RPTOR: variants seen among roughly 807,000 people sequenced by gnomAD.
RPTOR encodes regulatory-associated protein of mTOR.
A neutral mutation model predicts 169.9 loss-of-function variants in RPTOR; 21 were observed. The ratio of observed to expected loss-of-function variants is 0.12; its 90% CI spans 0.09 to 0.18. The LOEUF (loss-of-function observed/expected upper bound fraction) is 0.18. RPTOR is among the 10% of genes least tolerant of loss of function. RPTOR has a pLI of 1.00. For missense variants in RPTOR, 1,133 were observed against 1,855.9 expected (o/e 0.61, Z 7.16); for synonymous variants, 732 against 753.2 (o/e 0.97, Z 0.46).
At chr17:80,722,755 C>A (rs1268734898) in intron 4 of RPTOR, among the ~76,000 whole-genome samples, 4 of 151,376 alleles carry the variant, frequency 2.6e-5, no homozygotes, top group Non-Finnish European at 5.9e-5. Context: ...CAGTGTCAAC[C>A]TCTTACATGA....
Position 80,874,353 on chromosome 17 carries a change from C to T in RPTOR, c.1510-6062C>T, listed in dbSNP as rs535860680. On this transcript the variant is annotated intron_variant, in intron 13 of 33. Transcript: ENST00000306801. ...CTGGGACCACAGGCGCGTGCCACCA[C>T]GCCCAGCTAATTTTTGTGTTTCTAG... is the stretch of plus-strand genomic sequence containing the variant. 3.1e-3 allele frequency among the ~76,000 whole-genome samples: 470 copies of T among 152,226 alleles called. 2 individuals carry two copies. Among genetic ancestry groups the T allele is most frequent in the African/African-American group, 0.011 (450 of 41,520 alleles).
chr17:80,623,929 G>A (rs369128211), intron 1 of RPTOR, among the ~76,000 whole-genome samples: 7 of 152,086 alleles, frequency 4.6e-5, no homozygotes, highest in African/African-American at 1.7e-4. Context: ...ATGGGGTCTT[G>A]CTGTGTTGCC....
At chr17:80,661,853 G>A (rs1170360097) in intron 3 of RPTOR, among the ~76,000 whole-genome samples, 1 of 152,074 alleles carries the variant, frequency 6.6e-6, no homozygotes, top group Non-Finnish European at 1.5e-5. Context: ...CGTGGCATTT[G>A]GACCCTGCAC....
intron 3 of RPTOR, among the ~76,000 whole-genome samples, chr17:80,671,156 A>G (rs368397203): frequency 6.6e-6 from 1 of 151,846 alleles, no homozygotes; most frequent in Admixed American, 6.6e-5. Context: ...TGGGCTCACC[A>G]TCTCTGCCGT....
At chr17:80,794,588 G>A (rs1363569642) in intron 7 of RPTOR, among the ~76,000 whole-genome samples, 1 of 152,166 alleles carries the variant, frequency 6.6e-6, no homozygotes, top group Non-Finnish European at 1.5e-5. Context: ...GGAAATCTTA[G>A]GATCACACAA....
rs377709745 is a variant in RPTOR, at chr17:80,739,509, G to C, written c.654+8803G>C. 7.9e-5 allele frequency among the ~76,000 whole-genome samples: 12 copies of C among 152,270 alleles called. No individual in the cohort carries two copies. The East Asian group carries it at 2.1e-3, about 27-fold the overall frequency. ...TGGGATTTACAGGATACTCCCTCCA[G>C]CAGCAGCCAATACACACACTTTTCC... On this transcript the variant is annotated intron_variant, in intron 5 of 33. Coordinates refer to ENST00000306801, the MANE Select transcript of RPTOR (RefSeq NM_020761.3).
rs1035842498 is a variant in RPTOR, at chr17:80,803,123, C to T, written c.890+11614C>T. 5.3e-5 allele frequency: 8 copies of T among 152,296 alleles called. No individual in the cohort carries two copies. Among genetic ancestry groups the T allele is most frequent in the Admixed American group, 4.6e-4 (7 of 15,282 alleles). The allele number at this position is 152,296 out of a possible 1,614,324, so 9.4% of individuals were successfully genotyped here. A position where few individuals can be genotyped will look rare whatever the true frequency, so the allele number is the denominator to read the frequency against. ...TATCCTGCAGGATTCAGTGCCCTGC[C>T]GTTGTTCCTATGTGCGTGGCTGCAG... is the stretch of plus-strand genomic sequence containing the variant. On this transcript the variant is annotated intron_variant, in intron 7 of 33. Transcript: ENST00000306801. This position sits in a 1 kb window ranked among gnomAD's most constrained non-coding sequence, Gnocchi z 6.2.
chr17:80,891,961 G>A, intron 18 of RPTOR, 124 bp downstream of exon 18: 1 of 582,046 alleles, frequency 1.7e-6, no homozygotes, highest in Non-Finnish European at 3.0e-6. Context: ...CTGCCGCAAG[G>A]GGTCCCTGTT....
At chr17:80,666,774 C>T (rs887901166) in intron 3 of RPTOR, among the ~76,000 whole-genome samples, 4 of 152,126 alleles carry the variant, frequency 2.6e-5, no homozygotes, top group African/African-American at 4.8e-5. Flanking sequence ...CCGAGCAGTC[C>T]GAGAACCCAC....
Position 80,923,685 on chromosome 17 carries a change from C to T in RPTOR, c.2808+12C>T, listed in dbSNP as rs769589187. 8.3e-6 allele frequency: 13 copies of T among 1,571,468 alleles called. No homozygotes were observed. Among genetic ancestry groups the T allele is most frequent in the South Asian group, 7.0e-5 (6 of 85,976 alleles). On this transcript the variant is annotated intron_variant, in intron 23 of 33. Transcript: ENST00000306801. ...AGGGCCCAGAGCAGGTACGGGAGCC[C>T]GGCTGCCTGGTGATCTGGACACTGA...
chr17:80,812,027 A>ACACCCTCT (rs1352171771), intron 7 of RPTOR, among the ~76,000 whole-genome samples: 4 of 152,190 alleles, frequency 2.6e-5, no homozygotes, highest in Non-Finnish European at 5.9e-5. Context: ...GGACACAGCC[A>ACACCCTCT]CACCCTCTCG....
At chr17:80,815,387 C>T (rs774025712) in intron 7 of RPTOR, among the ~76,000 whole-genome samples, 4 of 152,258 alleles carry the variant, frequency 2.6e-5, no homozygotes, top group Non-Finnish European at 5.9e-5. Flanking sequence ...CAGGGCCACC[C>T]AGAACAGAGA....
chr17:80,917,778 C>T (rs947101813), intron 21 of RPTOR, among the ~76,000 whole-genome samples: 1 of 152,186 alleles, frequency 6.6e-6, no homozygotes, highest in African/African-American at 2.4e-5. Context: ...CTGCACCTCT[C>T]TGAAGCCATT....
intron 3 of RPTOR, among the ~76,000 whole-genome samples, chr17:80,687,159 C>T (rs2065954563): frequency 6.6e-6 from 1 of 152,228 alleles, no homozygotes; most frequent in Non-Finnish European, 1.5e-5. Flanking sequence ...AGGCCTCTGG[C>T]GCATTCTCTG....
At chr17:80,885,777 G>A (rs1177442687) in intron 17 of RPTOR, among the ~76,000 whole-genome samples, 6 of 152,188 alleles carry the variant, frequency 3.9e-5, no homozygotes, top group African/African-American at 1.2e-4. Flanking sequence ...TCCTGACATC[G>A]TGATCCACCC....
At position 80,959,799 on chromosome 17, in the gene RPTOR, C is replaced by CCCAGGG. The variant is rs2069310771; in HGVS notation, c.3478-279_3478-278insCCAGGG. ...CTCGGGGTGGGGCTGGCCTCTGCCT[C>CCCAGGG]ACTGGCTGGGTCCCAGGCGCCTCAG... is the stretch of plus-strand genomic sequence containing the variant. On this transcript the variant is annotated intron_variant, in intron 29 of 33. Transcript: ENST00000306801. This position sits in a 1 kb window ranked among gnomAD's most constrained non-coding sequence, Gnocchi z 6.7. 6.6e-6 allele frequency among the ~76,000 whole-genome samples: 1 copy of CCCAGGG among 152,204 alleles called. No individual in the cohort carries two copies. The highest frequency in any genetic ancestry group is 1.5e-5 in the Non-Finnish European group (1 of 68,016).
rs115931109 is a variant in RPTOR, at chr17:80,618,990, C to T, written c.163-6701C>T. 3.3e-3 allele frequency among the ~76,000 whole-genome samples: 506 copies of T among 152,256 alleles called. 2 individuals are homozygous for T. Among genetic ancestry groups the T allele is most frequent in the African/African-American group, 0.01 (417 of 41,536 alleles). On this transcript the variant is annotated intron_variant, in intron 1 of 33. Coordinates refer to ENST00000306801, the MANE Select transcript of RPTOR (RefSeq NM_020761.3). ...TTGGTTACCCGCCTCCCCTTCCCTGCGAGGTATATCTACTCTCTTTGCTAT... is the reference window on the plus strand; with the variant it reads ...TTGGTTACCCGCCTCCCCTTCCCTGTGAGGTATATCTACTCTCTTTGCTAT...
intron 3 of RPTOR, among the ~76,000 whole-genome samples, chr17:80,692,802 T>C (rs1598227586): frequency 6.6e-6 from 1 of 152,254 alleles, no homozygotes; most frequent in Non-Finnish European, 1.5e-5. Flanking sequence ...TTTGTAGTTA[T>C]GTAAAATATT....
intron 11 of RPTOR, among the ~76,000 whole-genome samples, chr17:80,854,747 AAC>A (rs1418788332): frequency 2.0e-4 from 31 of 152,176 alleles, no homozygotes; most frequent in African/African-American, 6.8e-4. Context: ...TACAAAAATT[AAC>A]CAGGCATGGT....
Sources: allele counts gnomAD v4.1 joint callset (sites outside exome capture counted in the v4.1 genomes callset), GRCh38; gene constraint gnomAD v4.1.1; non-coding constraint Gnocchi (gnomAD v3.1); transcripts MANE v1.5; gene names NCBI Gene and HGNC (gene_info 2026-07-23, HGNC 2026-07-21).